The following PDGFRL variants were observed in gnomAD, a reference collection of about 807,000 sequenced individuals.
PDGFRL encodes the protein platelet-derived growth factor receptor-like protein.
Under a neutral mutation model 37.2 loss-of-function variants are expected in PDGFRL, and 46 were observed. The ratio of observed to expected loss-of-function variants is 1.24; its 90% confidence interval spans 0.98 to 1.58. PDGFRL has a LOEUF of 1.58. PDGFRL is among the 40% of genes most tolerant of loss of function. PDGFRL has a pLI of 0.00. For synonymous variants in PDGFRL, 251 were observed against 184.3 expected (o/e 1.36, Z -2.93); for missense variants, 692 against 467.6 (o/e 1.48, Z -4.43).
chr8:17,610,923 G>A (rs745496089), intron 2 of PDGFRL, among the ~76,000 whole-genome samples: 1 of 146,356 alleles, frequency 6.8e-6, no homozygotes, highest in Non-Finnish European at 1.5e-5. Flanking sequence ...AAAATTACAC[G>A]AGAATTGATG....
chr8:17,617,717 C>G (rs1052419716), intron 2 of PDGFRL, among the ~76,000 whole-genome samples: 2 of 152,210 alleles, frequency 1.3e-5, no homozygotes, highest in African/African-American at 4.8e-5. Flanking sequence ...CTTCCGCCCC[C>G]AAACCTACTA....
intron 5 of PDGFRL, among the ~76,000 whole-genome samples, chr8:17,637,266 A>G (rs757059769): frequency 3.9e-5 from 6 of 152,052 alleles, no homozygotes; most frequent in South Asian, 2.1e-4. Flanking sequence ...TTCTATGCCA[A>G]TTTTGCTGAG....
At position 17,592,407 on chromosome 8, in the gene PDGFRL, G is replaced by A. The variant is rs562367870; in HGVS notation, c.353+2642G>A. The stretch of plus-strand genomic sequence containing the variant: ...ACCTGGGCTAGGGCTTCTCACTGCC[G>A]CTGGAGCAACACTTAAAAGTCAGAG... On this transcript the variant is annotated intron_variant, in intron 2 of 5. Transcript: ENST00000251630. Among the ~76,000 whole-genome samples the A allele has an allele frequency of 8.5e-5, 13 of 152,204 alleles. No homozygotes were observed. The South Asian group carries it at 2.3e-3, about 27-fold the overall frequency.
At chr8:17,611,874 T>G (rs2129721481) in intron 2 of PDGFRL, among the ~76,000 whole-genome samples, 1 of 152,134 alleles carries the variant, frequency 6.6e-6, no homozygotes, top group South Asian at 2.1e-4. Flanking sequence ...AGAGAGTCAA[T>G]GGTGATAGCA....
chr8:17,642,037 G>A (rs542883360), intron 5 of PDGFRL, among the ~76,000 whole-genome samples: 1 of 152,204 alleles, frequency 6.6e-6, no homozygotes, highest in Admixed American at 6.5e-5. Flanking sequence ...ATCGCACTTT[G>A]TAGAAATAGG....
chr8:17,578,090 A>G (rs973265088), intron 1 of PDGFRL, among the ~76,000 whole-genome samples: 1 of 151,774 alleles, frequency 6.6e-6, no homozygotes, highest in Non-Finnish European at 1.5e-5. Context: ...TGTGTATTAT[A>G]TATTATTGTT....
chr8:17,628,225 A>T (rs1206796842), intron 3 of PDGFRL, among the ~76,000 whole-genome samples: 1 of 150,196 alleles, frequency 6.7e-6, no homozygotes, highest in Non-Finnish European at 1.5e-5. Flanking sequence ...CGATCTCCTG[A>T]CCTCGTGATC....
chr8:17,632,460 GC>G (rs1804883045), intron 4 of PDGFRL, among the ~76,000 whole-genome samples: 1 of 151,848 alleles, frequency 6.6e-6, no homozygotes, highest in African/African-American at 2.4e-5. Flanking sequence ...CCTGTCTCAG[GC>G]TCAGTATCTG....
rs113644521 is a variant in PDGFRL, at chr8:17,610,466, A to G, written c.354-10585A>G. Among the ~76,000 whole-genome samples, 2 of 152,292 alleles carry G rather than the reference A, an allele frequency of 1.3e-5. 1 individual carries two copies. The highest frequency in any genetic ancestry group is 4.8e-5 in the African/African-American group (2 of 41,556). On this transcript the variant is annotated intron_variant, in intron 2 of 5. Coordinates refer to ENST00000251630, the MANE Select transcript of PDGFRL (RefSeq NM_001372073.1). Reference sequence around the variant, plus strand: ...TAGGGATGCTTAACTAGTAAGTATGATGCAGATACTCCAAAATCTGAGAAA... The same window carrying G: ...TAGGGATGCTTAACTAGTAAGTATGGTGCAGATACTCCAAAATCTGAGAAA...
At chr8:17,614,986 G>C (rs913553961) in intron 2 of PDGFRL, among the ~76,000 whole-genome samples, 1 of 152,120 alleles carries the variant, frequency 6.6e-6, no homozygotes, top group Non-Finnish European at 1.5e-5. Context: ...TTATCTCTCA[G>C]GGCTTCATGA....
chr8:17,617,967 T>C (rs886967079), intron 2 of PDGFRL, among the ~76,000 whole-genome samples: 1 of 145,788 alleles, frequency 6.9e-6, no homozygotes, highest in Admixed American at 7.1e-5. Context: ...GGGGAGACTG[T>C]CGCCTCCATT....
intron 1 of PDGFRL, among the ~76,000 whole-genome samples, chr8:17,578,605 C>T (rs1268327963): frequency 6.6e-6 from 1 of 152,170 alleles, no homozygotes. Context: ...TTTGTAGTAT[C>T]ATTTTTTGAA....
intron 1 of PDGFRL, among the ~76,000 whole-genome samples, chr8:17,585,267 A>C (rs1345365525): frequency 6.6e-6 from 1 of 151,840 alleles, no homozygotes; most frequent in Non-Finnish European, 1.5e-5. Flanking sequence ...TCTTGAGCCA[A>C]CCTCCTGTCT....
Position 17,579,959 on chromosome 8 carries a change from C to A in PDGFRL, c.55+2652C>A, listed in dbSNP as rs140063166. Among the ~76,000 whole-genome samples the A allele has an allele frequency of 2.0e-3, 306 of 152,082 alleles. 2 individuals carry two copies. Among genetic ancestry groups the A allele is most frequent in the East Asian group, 0.017 (89 of 5,176 alleles). On this transcript the variant is annotated intron_variant, in intron 1 of 5. Coordinates refer to ENST00000251630, the MANE Select transcript of PDGFRL (RefSeq NM_001372073.1). ...AGCATTTATATGGAATACATGCCAC[C>A]GAGTTTATTAATAGGGTGCTTCTAT...
chr8:17,591,627 G>T (rs1183957644), intron 2 of PDGFRL, among the ~76,000 whole-genome samples: 1 of 152,146 alleles, frequency 6.6e-6, no homozygotes, highest in South Asian at 2.1e-4. Context: ...AAGAAAGCCT[G>T]CAGGCAGGCT....
At chr8:17,621,306 G>A (rs1309503752) in intron 3 of PDGFRL, 104 bp downstream of exon 3, 2 of 691,824 alleles carry the variant, frequency 2.9e-6, no homozygotes, top group Non-Finnish European at 2.4e-6. Flanking sequence ...GACAATCAGA[G>A]CACTTCCTGT....
intron 2 of PDGFRL, among the ~76,000 whole-genome samples, chr8:17,615,037 G>A (rs1308372663): frequency 6.6e-6 from 1 of 152,144 alleles, no homozygotes; most frequent in Non-Finnish European, 1.5e-5. Context: ...TTACAGCATT[G>A]CTTAGCACAT....
At chr8:17,634,052 C>T (rs746190293) in intron 4 of PDGFRL, 22 bp from the exon 5 acceptor site, 8 of 1,612,520 alleles carry the variant, frequency 5.0e-6, no homozygotes, top group East Asian at 2.2e-5. Context: ...TCTCACTCTG[C>T]CTGTTTCGTG....
At chr8:17,594,568 G>C (rs558093560) in intron 2 of PDGFRL, among the ~76,000 whole-genome samples, 1 of 134,976 alleles carries the variant, frequency 7.4e-6, no homozygotes, top group Admixed American at 7.3e-5. Flanking sequence ...TGTTTGTTTT[G>C]TTTTGAGATG....
Sources: gnomAD v4.1 joint callset for allele counts (sites outside exome capture counted in the v4.1 genomes callset) on GRCh38, gnomAD v4.1.1 for gene constraint, MANE v1.5 for transcripts, NCBI Gene and HGNC (gene_info 2026-07-23, HGNC 2026-07-21) for gene names.